Variants in SGIP1 observed in about 807,000 individuals in gnomAD.
SGIP1 encodes SH3GL interacting endocytic adaptor 1.
SGIP1 carries 38 observed loss-of-function variants against 107.5 expected under a neutral mutation model. The ratio of observed to expected loss-of-function variants is 0.35; its 90% CI spans 0.27 to 0.46. The LOEUF (loss-of-function observed/expected upper bound fraction) is 0.46. SGIP1 is among the 20% of genes least tolerant of loss of function. SGIP1 has a pLI of 1.00. For missense variants in SGIP1, 929 were observed against 1,019.5 expected (o/e 0.91, Z 1.21); for synonymous variants, 365 against 366.1 (o/e 1.00, Z 0.03).
chr1:66,684,436 C>T (rs2087689579), intron 15 of SGIP1, among the ~76,000 whole-genome samples: 2 of 152,194 alleles, frequency 1.3e-5, no homozygotes, highest in South Asian at 4.1e-4. Context: ...TACAAAGCTC[C>T]TTATCTACCT....
At chr1:66,636,058 A>G (rs1428733898) in intron 4 of SGIP1, 43 bp downstream of exon 4, 2 of 1,560,516 alleles carry the variant, frequency 1.3e-6, no homozygotes, top group Admixed American at 3.4e-5. Context: ...AAGGGTTATA[A>G]AAAACAGTGA....
intron 18 of SGIP1, among the ~76,000 whole-genome samples, chr1:66,698,215 T>G (rs2091288970): frequency 1.3e-5 from 2 of 152,188 alleles, no homozygotes; most frequent in Admixed American, 1.3e-4. Flanking sequence ...AAATTTAAGT[T>G]AATAATAGAG....
chr1:66,613,330 G>GTGTTT (rs2068441561), intron 1 of SGIP1, among the ~76,000 whole-genome samples: 3 of 151,790 alleles, frequency 2.0e-5, no homozygotes, highest in Admixed American at 6.6e-5. Flanking sequence ...AAGTTTTTTT[G>GTGTTT]TGTTTTGTTT....
In SGIP1 at chr1:66,586,788, A is replaced by T. The variant is rs550685442; in HGVS notation, c.11-39059A>T. On this transcript the variant is annotated intron_variant, in intron 1 of 24. Coordinates refer to ENST00000371037, the MANE Select transcript of SGIP1 (RefSeq NM_032291.4). ...TTACTGTGCTATTTTCTTCTTTCCTAATGTTCTACATTTTCTTCTTTTATT... is the reference window on the plus strand; with the variant it reads ...TTACTGTGCTATTTTCTTCTTTCCTTATGTTCTACATTTTCTTCTTTTATT... Among the ~76,000 whole-genome samples the T allele has an allele frequency of 3.8e-3, 585 of 152,176 alleles. 3 individuals carry two copies. Among genetic ancestry groups the T allele is most frequent in the Non-Finnish European group, 6.6e-3 (448 of 67,964 alleles).
rs78977970 is a variant in SGIP1, at chr1:66,580,803, G to A, written c.11-45044G>A. On this transcript the variant is annotated intron_variant, in intron 1 of 24. Coordinates refer to ENST00000371037, the MANE Select transcript of SGIP1 (RefSeq NM_032291.4). ...CATAGCGCTTTTTATGAAGCACCAC[G>A]CAATGCTGAAATACTTAATTGCTAA... Among the ~76,000 whole-genome samples, 1,072 of 152,134 alleles carry A rather than the reference G, an allele frequency of 7.0e-3. 19 individuals carry two copies. The highest frequency in any genetic ancestry group is 0.024 in the African/African-American group (999 of 41,490).
intron 1 of SGIP1, among the ~76,000 whole-genome samples, chr1:66,583,263 A>G (rs1306316722): frequency 6.6e-6 from 1 of 152,136 alleles, no homozygotes; most frequent in African/African-American, 2.4e-5. Flanking sequence ...TAGTAGTAGG[A>G]AAGTTGGGAT....
intron 1 of SGIP1, among the ~76,000 whole-genome samples, chr1:66,607,079 C>T (rs982417512): frequency 5.3e-5 from 8 of 152,154 alleles, no homozygotes; most frequent in Non-Finnish European, 1.0e-4. Context: ...AACTGTACTA[C>T]GTTGTAAAAG....
intron 7 of SGIP1, among the ~76,000 whole-genome samples, chr1:66,650,140 T>C (rs971645163): frequency 2.6e-5 from 4 of 152,188 alleles, no homozygotes; most frequent in Non-Finnish European, 5.9e-5. Context: ...CCAAGACCAG[T>C]AATTAATTAC....
At chr1:66,561,829 T>C (rs776862752) in intron 1 of SGIP1, among the ~76,000 whole-genome samples, 4 of 152,076 alleles carry the variant, frequency 2.6e-5, no homozygotes, top group Non-Finnish European at 5.9e-5. Flanking sequence ...GGGAGGCCAA[T>C]GTCTGAAACA....
intron 7 of SGIP1, among the ~76,000 whole-genome samples, chr1:66,649,553 G>T (rs188483806): frequency 6.6e-6 from 1 of 152,262 alleles, no homozygotes; most frequent in Admixed American, 6.5e-5. Context: ...GATGCAACAC[G>T]AACAGTTCTG....
At position 66,721,834 on chromosome 1, in the gene SGIP1, T is replaced by C. The variant is rs533775419; in HGVS notation, c.1742+2429T>C. Among the ~76,000 whole-genome samples, 6 of 152,290 alleles carry C rather than the reference T, an allele frequency of 3.9e-5. No homozygotes were observed. In the East Asian group the frequency reaches 1.2e-3, roughly 29 times the overall value. On this transcript the variant is annotated intron_variant, in intron 19 of 24. Coordinates refer to ENST00000371037, the MANE Select transcript of SGIP1 (RefSeq NM_032291.4). ...TTCCTAATTGGCTTTCATTCATTCA[T>C]CCACTAATTTATTCAGAGAGATCTA...
intron 7 of SGIP1, among the ~76,000 whole-genome samples, chr1:66,656,316 C>A (rs1403058979): frequency 6.6e-6 from 1 of 152,184 alleles, no homozygotes; most frequent in African/African-American, 2.4e-5. Flanking sequence ...TCCTGAAGGA[C>A]CTGCGCAAGG....
intron 1 of SGIP1, among the ~76,000 whole-genome samples, chr1:66,616,626 G>A (rs918792907): frequency 6.6e-6 from 1 of 152,050 alleles, no homozygotes; most frequent in Non-Finnish European, 1.5e-5. Context: ...GCTCCCCATG[G>A]ATCTTTGTAC....
chr1:66,712,287 TA>T (rs1459408571), intron 18 of SGIP1, among the ~76,000 whole-genome samples: 1 of 152,156 alleles, frequency 6.6e-6, no homozygotes, highest in Non-Finnish European at 1.5e-5. Context: ...ACATTAAATG[TA>T]AAAACCACTG....
chr1:66,572,161 C>G (rs1183260455), intron 1 of SGIP1, among the ~76,000 whole-genome samples: 3 of 151,950 alleles, frequency 2.0e-5, no homozygotes, highest in Admixed American at 6.6e-5. Flanking sequence ...TCCTCATGAC[C>G]TAAAGAGAGA....
Position 66,598,425 on chromosome 1 carries a change from C to A in SGIP1, c.11-27422C>A, listed in dbSNP as rs147407469. ...AAAACGAAGTGAAATCTGTCAGATG[C>A]TGAATGAGCTTAAGGTACTTCACAC... On this transcript the variant is annotated intron_variant, in intron 1 of 24. Transcript: ENST00000371037. Among the ~76,000 whole-genome samples the A allele has an allele frequency of 7.0e-4, 107 of 152,290 alleles. 2 individuals carry two copies. Among genetic ancestry groups the A allele is most frequent in the Non-Finnish European group, 5.9e-4 (40 of 68,026 alleles).
intron 15 of SGIP1, among the ~76,000 whole-genome samples, chr1:66,688,148 C>T (rs2088910518): frequency 6.6e-6 from 1 of 152,110 alleles, no homozygotes; most frequent in Non-Finnish European, 1.5e-5. Flanking sequence ...GATATTTTCC[C>T]AGGGCAGGAT....
chr1:66,633,107 AT>A lies in SGIP1; in HGVS notation c.99+14del. ...TAGAGATGGAATTGTAAGTATTTAAATAACCATTTTTACTGAGTTTGTGCTT... is the reference window on the plus strand; with the variant it reads ...TAGAGATGGAATTGTAAGTATTTAAAAACCATTTTTACTGAGTTTGTGCTT... On this transcript the variant is annotated intron_variant, in intron 3 of 24. Transcript: ENST00000371037. The A allele has an allele frequency of 6.6e-7, 1 of 1,519,212 alleles. No individual in the cohort carries two copies. The highest frequency in any genetic ancestry group is 9.1e-7 in the Non-Finnish European group (1 of 1,095,656). The allele number at this position is 1,519,212 out of a possible 1,614,324, so 94.1% of individuals were successfully genotyped here.
At chr1:66,728,402 T>C (rs1345538588) in intron 19 of SGIP1, among the ~76,000 whole-genome samples, 1 of 152,200 alleles carries the variant, frequency 6.6e-6, no homozygotes, top group Non-Finnish European at 1.5e-5. Context: ...AGCTGTACTT[T>C]TCTTCTTACA....
Sources: allele counts gnomAD v4.1 joint callset (sites outside exome capture counted in the v4.1 genomes callset), GRCh38; gene constraint gnomAD v4.1.1; transcripts MANE v1.5; gene names NCBI Gene and HGNC (gene_info 2026-07-23, HGNC 2026-07-21).